BAZ2A: variants seen among roughly 807,000 people sequenced by gnomAD.
BAZ2A encodes bromodomain adjacent to zinc finger domain protein 2A.
A neutral mutation model predicts 199.9 loss-of-function variants in BAZ2A; 34 were observed. The ratio of observed to expected loss-of-function variants is 0.17; its 90% CI spans 0.13 to 0.23. BAZ2A has a LOEUF of 0.23. Among genes scored for constraint, BAZ2A ranks in the 10% least tolerant of loss-of-function variants. The pLI is 1.00. For missense variants in BAZ2A, 2,002 were observed against 2,391.1 expected, an observed-to-expected ratio of 0.84 and a Z score of 3.39; for synonymous variants, 857 against 883.9, an observed-to-expected ratio of 0.97 and a Z score of 0.54.
At position 56,603,347 on chromosome 12, in the gene BAZ2A, G is replaced by A; in HGVS notation, c.3279+12C>T. 6.2e-7 allele frequency: 1 copy of A among 1,613,648 alleles called. No homozygotes were observed. The highest frequency in any genetic ancestry group is 8.5e-7 in the Non-Finnish European group (1 of 1,179,616). ...CATATCTCCAACTCTTGGGAGGTTA[G>A]AAGCACAATACCTTGCTGAGTTTTT... On this transcript the variant is annotated intron_variant, in intron 18 of 28. Coordinates refer to ENST00000549884, the MANE Select transcript of BAZ2A (RefSeq NM_001300905.2).
Position 56,601,208 on chromosome 12 carries a change from G to A in BAZ2A, c.4266C>T (p.Thr1422=). The change falls in exon 21 of 29, where the codon ACC becomes ACT. Residue 1422 remains threonine (T), a synonymous_variant. Coordinates refer to ENST00000549884, the MANE Select transcript of BAZ2A (RefSeq NM_001300905.2). ...GTGGGACAGGCTGGGCTGTCAGCTG[G>A]GTTAGGTAACGCTGTTCCATCTGTT... The part of the protein sequence containing the change: ...FFKQMEQRYL[T]QLTAQPVPPE... 1 of 1,614,048 alleles carries A rather than the reference G, an allele frequency of 6.2e-7. No homozygotes were observed.
At chr12:56,620,519 AAAAC>A (rs201442015) in intron 1 of BAZ2A, among the ~76,000 whole-genome samples, 13 of 151,832 alleles carry the variant, frequency 8.6e-5, no homozygotes, top group East Asian at 3.9e-4. Context: ...AAAACAAAAC[AAAAC>A]AAACAAACAA....
intron 14 of BAZ2A, 51 bp from the exon 15 acceptor site, chr12:56,604,850 A>C: frequency 1.3e-6 from 2 of 1,569,276 alleles, no homozygotes; most frequent in Non-Finnish European, 1.7e-6. Context: ...TGCACAACCA[A>C]GTTGGGTGAA....
At position 56,612,013 on chromosome 12, in the gene BAZ2A, T is replaced by A. The variant is rs546840071; in HGVS notation, c.1369A>T (p.Thr457Ser). 13 of 1,613,168 alleles carry A rather than the reference T, an allele frequency of 8.1e-6. No homozygotes were observed. The South Asian group carries it at 9.9e-5, about 12-fold the overall frequency. Residue 457 changes from threonine (T) to serine (S), a missense_variant, in exon 6 of 29, where the codon ACA (threonine) becomes TCA (serine). Transcript: ENST00000549884. Reference sequence around the variant, plus strand: ...GAGAAGACTGCTGGAGAGACAACTGTAGAAGCTGCGGGACAAACTTCTGGA... The same window carrying A: ...GAGAAGACTGCTGGAGAGACAACTGAAGAAGCTGCGGGACAAACTTCTGGA... Reference protein sequence around the residue: ...ISPEVCPAASTVVSPAVFSVV... With the variant: ...ISPEVCPAASSVVSPAVFSVV...
intron 5 of BAZ2A, 103 bp downstream of exon 5, chr12:56,612,912 G>A (rs1010153882): frequency 5.1e-5 from 67 of 1,324,552 alleles, no homozygotes; most frequent in Non-Finnish European, 6.8e-5. Flanking sequence ...GTGAGCCACT[G>A]CGCCCAGCCA....
intron 1 of BAZ2A, among the ~76,000 whole-genome samples, chr12:56,628,746 G>A (rs1951193881): frequency 6.6e-6 from 1 of 152,094 alleles, no homozygotes. Flanking sequence ...CAGGTGCTCT[G>A]CAATATAGAA....
At chr12:56,606,350 T>C (rs1254510061) in intron 11 of BAZ2A, 38 bp from the exon 12 acceptor site, 1 of 1,609,974 alleles carries the variant, frequency 6.2e-7, no homozygotes, top group Non-Finnish European at 8.5e-7. Flanking sequence ...CCTCAAACTC[T>C]GAAAGCATCT....
chr12:56,598,563 T>C lies in BAZ2A; in HGVS notation c.*55A>G. 6.3e-7 allele frequency: 1 copy of C among 1,578,310 alleles called. No homozygotes were observed. Among genetic ancestry groups the C allele is most frequent in the Non-Finnish European group, 8.6e-7 (1 of 1,163,024 alleles). ...GCATCAGCAGGTGAAAATGGCAGGT[T>C]TTTGTTTGGAAGGTGGGGGGAGATG... On this transcript the variant is annotated 3_prime_UTR_variant, in exon 29 of 29. Coordinates refer to ENST00000549884, the MANE Select transcript of BAZ2A (RefSeq NM_001300905.2).
chr12:56,610,756 T>C (rs2136989925), intron 7 of BAZ2A, among the ~76,000 whole-genome samples: 1 of 152,070 alleles, frequency 6.6e-6, no homozygotes, highest in South Asian at 2.1e-4. Flanking sequence ...CTCAGAGAGA[T>C]CTCCATCCCT....
Position 56,600,844 on chromosome 12 carries a change from G to A in BAZ2A, c.4451-12C>T. ...CTCAAAGATGGGGTCTGAGAAGAGA[G>A]GTGGCAGAGGGAGAGGCCCATCAGG... On this transcript the variant is annotated splice_polypyrimidine_tract_variant and intron_variant, in intron 22 of 28. Coordinates refer to ENST00000549884, the MANE Select transcript of BAZ2A (RefSeq NM_001300905.2). 2 of 1,613,106 alleles carry A rather than the reference G, an allele frequency of 1.2e-6. No individual in the cohort carries two copies. Among genetic ancestry groups the A allele is most frequent in the South Asian group, 1.1e-5 (1 of 90,974 alleles).
intron 1 of BAZ2A, 24 bp downstream of exon 1, chr12:56,630,101 C>A: frequency 1.0e-6 from 1 of 973,916 alleles, no homozygotes; most frequent in Non-Finnish European, 1.2e-6. Flanking sequence ...CCCCCTCAGG[C>A]CCCTGGCCAC....
At chr12:56,603,772 G>C (rs1476656079) in intron 16 of BAZ2A, 72 bp from the exon 17 acceptor site, 2 of 1,556,118 alleles carry the variant, frequency 1.3e-6, no homozygotes, top group Non-Finnish European at 1.8e-6. Context: ...CAGCACTTTG[G>C]GAGGCCAAGA....
At chr12:56,620,801 TCGACCCACCG>T (rs1352860685) in intron 1 of BAZ2A, among the ~76,000 whole-genome samples, 1 of 152,068 alleles carries the variant, frequency 6.6e-6, no homozygotes. Context: ...CCTCAAGTGA[TCGACCCACCG>T]CGGCCTCCCA....
rs1277176360 is a variant in BAZ2A at position 56,595,649 on chromosome 12, C to T, written c.*2969G>A. 1.3e-5 allele frequency: 2 copies of T among 151,880 alleles called. No homozygotes were observed. The highest frequency in any genetic ancestry group is 4.8e-5 in the African/African-American group (2 of 41,300). The allele number at this position is 151,880 out of a possible 1,614,324, so 9.4% of individuals were successfully genotyped here. On this transcript the variant is annotated 3_prime_UTR_variant, in exon 29 of 29. Coordinates refer to ENST00000549884, the MANE Select transcript of BAZ2A (RefSeq NM_001300905.2). Reference sequence around the variant, plus strand: ...TGGGAAGTGGTAAGCTGGTGATGGTCCCATATTTGCTATGACAGGAACACA... The same window carrying T: ...TGGGAAGTGGTAAGCTGGTGATGGTTCCATATTTGCTATGACAGGAACACA...
At position 56,604,595 on chromosome 12, in the gene BAZ2A, G is replaced by A. The variant is rs1210387486; in HGVS notation, c.2953C>T (p.Leu985Phe). The A allele has an allele frequency of 6.3e-7, 1 of 1,586,012 alleles. No homozygotes were observed. The highest frequency in any genetic ancestry group is 8.6e-7 in the Non-Finnish European group (1 of 1,165,962). The change falls in exon 15 of 29, where the codon CTC becomes TTC. Residue 985 changes from leucine to phenylalanine, a missense_variant. Coordinates refer to ENST00000549884, the MANE Select transcript of BAZ2A (RefSeq NM_001300905.2). ...CTCCCAGCCTCTCACTTGATGATGA[G>A]GGTGGAGCCATTGAGCTCATGCACA... is the stretch of plus-strand genomic sequence containing the variant. ...FLVHELNGSTLIINEIDKTLE... is the reference protein window; with the variant it reads ...FLVHELNGSTFIINEIDKTLE...
intron 1 of BAZ2A, among the ~76,000 whole-genome samples, chr12:56,626,089 T>C (rs1256555697): frequency 6.6e-6 from 1 of 152,132 alleles, no homozygotes; most frequent in Non-Finnish European, 1.5e-5. Flanking sequence ...GGCTTTTTTG[T>C]TTTGCACAAT....
chr12:56,603,365 G>A lies in BAZ2A; in HGVS notation c.3273C>T (p.Leu1091=). 1.9e-6 allele frequency: 3 copies of A among 1,613,984 alleles called. No homozygotes were observed. The highest frequency in any genetic ancestry group is 2.5e-6 in the Non-Finnish European group (3 of 1,179,858). ...GAGGTTAGAAGCACAATACCTTGCT[G>A]AGTTTTTCTATCTGGCGCTCTAGCT... ...IPELERQIEK[L]SKRQLFFRKK... is the part of the protein sequence containing the mutation. The change falls in exon 18 of 29, where the codon CTC becomes CTT. Residue 1091 remains leucine, a synonymous_variant. Coordinates refer to ENST00000549884, the MANE Select transcript of BAZ2A (RefSeq NM_001300905.2).
chr12:56,606,554 A>G, intron 11 of BAZ2A, 79 bp downstream of exon 11: 3 of 1,389,240 alleles, frequency 2.2e-6, no homozygotes, highest in Non-Finnish European at 3.1e-6. Flanking sequence ...GGAGTGACGG[A>G]TGTGGGAAAT....
At position 56,599,370 on chromosome 12, in the gene BAZ2A, A is replaced by C. The variant is rs779085915; in HGVS notation, c.5173-12T>G. The C allele has an allele frequency of 1.9e-6, 3 of 1,608,608 alleles. No individual in the cohort carries two copies. The highest frequency in any genetic ancestry group is 1.3e-5 in the African/African-American group (1 of 74,850). The stretch of plus-strand genomic sequence containing the variant: ...TCTCCCTCCACCTGCTTAGTATAGG[A>C]AACAGGTGAGATTAGCAACAGCTGG... On this transcript the variant is annotated splice_polypyrimidine_tract_variant and intron_variant, in intron 26 of 28. Coordinates refer to ENST00000549884, the MANE Select transcript of BAZ2A (RefSeq NM_001300905.2).
Sources: allele counts gnomAD v4.1 joint callset (sites outside exome capture counted in the v4.1 genomes callset), GRCh38; gene constraint gnomAD v4.1.1; transcripts MANE v1.5; gene names NCBI Gene and HGNC (gene_info 2026-07-23, HGNC 2026-07-21).